The following DAAM1 variants were observed in gnomAD, a reference collection of about 807,000 sequenced individuals.
The protein encoded by DAAM1 is disheveled-associated activator of morphogenesis 1.
Under a neutral mutation model 130.0 loss-of-function variants are expected in DAAM1, and 52 were observed. The observed-to-expected ratio is 0.40, with a 90% CI of 0.32 to 0.50. The LOEUF (loss-of-function observed/expected upper bound fraction) is 0.50. DAAM1 is among the 20% of genes least tolerant of loss of function. The pLI is 0.61. For missense variants in DAAM1, 1,134 were observed against 1,303.8 expected (o/e 0.87, Z 2.01); for synonymous variants, 452 against 444.5 (o/e 1.02, Z -0.21).
Position 59,359,490 on chromosome 14 carries a change from A to G in DAAM1, c.2619A>G (p.Gln873=). 1 of 1,613,180 alleles carries G rather than the reference A, an allele frequency of 6.2e-7. No individual in the cohort carries two copies. Among genetic ancestry groups the G allele is most frequent in the Non-Finnish European group, 8.5e-7 (1 of 1,179,238 alleles). ...ATGAAGAATTGCGAGATATTCCTCA[A>G]GCTGCGAAAGTAAAGTAAGTACTTA... ...NLNEELRDIP[Q]AAKVNMTELD... The change falls in exon 21 of 25, where the codon CAA becomes CAG. Residue 873 remains glutamine (Q), a synonymous_variant. Transcript: ENST00000360909.
intron 2 of DAAM1, among the ~76,000 whole-genome samples, chr14:59,275,790 A>G: frequency 6.6e-6 from 1 of 151,246 alleles, no homozygotes. Flanking sequence ...TCTATTAGTC[A>G]GCCTTTGCTT....
intron 18 of DAAM1, 39 bp downstream of exon 18, chr14:59,352,671 C>A (rs555391311): frequency 6.5e-7 from 1 of 1,542,516 alleles, no homozygotes; most frequent in East Asian, 2.3e-5. Flanking sequence ...GATGTCACTT[C>A]CCTTTCTAAG....
intron 3 of DAAM1, among the ~76,000 whole-genome samples, chr14:59,301,161 CATT>C (rs2139582299): frequency 6.6e-6 from 1 of 152,164 alleles, no homozygotes; most frequent in East Asian, 1.9e-4. Flanking sequence ...AAGAAACTGT[CATT>C]AAAGTTTTTC....
intron 1 of DAAM1, among the ~76,000 whole-genome samples, chr14:59,226,178 C>T (rs1888938078): frequency 6.6e-6 from 1 of 152,110 alleles, no homozygotes; most frequent in South Asian, 2.1e-4. Context: ...CTGGGACTTT[C>T]AGCTTGATGG....
chr14:59,264,650 T>C (rs1418006286), intron 2 of DAAM1: 1 of 152,176 alleles, frequency 6.6e-6, no homozygotes, highest in Non-Finnish European at 1.5e-5. Context: ...TTTTTTTTTT[T>C]TCTTCAACTT....
chr14:59,363,772 C>T lies in DAAM1; in HGVS notation c.2816C>T (p.Ala939Val). Residue 939 changes from alanine (A) to valine (V), a missense_variant, in exon 23 of 25, where the codon GCT becomes GTT. By Grantham distance (64) the Ala-to-Val change is moderately conservative. This residue lies in a region of DAAM1 where 644 missense variants were observed against 695.9 expected (regional missense o/e 0.93). Coordinates refer to ENST00000360909, the MANE Select transcript of DAAM1 (RefSeq NM_001270520.2). Reference sequence around the variant, plus strand: ...GATGTTGAAGACCTTCTAGCAGAAGCTAAAGACCTGGTAAGTTTCCCCCTT... The same window carrying T: ...GATGTTGAAGACCTTCTAGCAGAAGTTAAAGACCTGGTAAGTTTCCCCCTT... ...FSDVEDLLAE[A>V]KDLFTKAVKH... 2 of 1,613,908 alleles carry T rather than the reference C, an allele frequency of 1.2e-6. No individual in the cohort carries two copies. Among genetic ancestry groups the T allele is most frequent in the Non-Finnish European group, 1.7e-6 (2 of 1,179,948 alleles).
intron 3 of DAAM1, among the ~76,000 whole-genome samples, chr14:59,292,761 C>A (rs1309570015): frequency 6.6e-6 from 1 of 152,152 alleles, no homozygotes; most frequent in African/African-American, 2.4e-5. Flanking sequence ...GATCTCTGAG[C>A]CTCTATCAGA....
intron 15 of DAAM1, among the ~76,000 whole-genome samples, chr14:59,334,476 A>G: frequency 6.6e-6 from 1 of 152,142 alleles, no homozygotes; most frequent in Admixed American, 6.5e-5. Context: ...ACCCTGTTCA[A>G]ACTCTCTGGA....
rs562169858 is a variant in DAAM1, at chr14:59,256,882, T to C, written c.-37-6559T>C. Among the ~76,000 whole-genome samples the C allele has an allele frequency of 1.8e-4, 27 of 152,338 alleles. No individual in the cohort carries two copies. In the South Asian group the frequency reaches 5.4e-3, roughly 30 times the overall value. ...TGTATTGAGGAGGTTCAGATCATGA[T>C]GGCTGAGTCAGTGAATATTTTCTTG... On this transcript the variant is annotated intron_variant, in intron 1 of 24. Coordinates refer to ENST00000360909, the MANE Select transcript of DAAM1 (RefSeq NM_001270520.2).
At chr14:59,332,050 A>T (rs1213560686) in intron 15 of DAAM1, 130 bp downstream of exon 15, 3 of 745,384 alleles carry the variant, frequency 4.0e-6, no homozygotes, top group Non-Finnish European at 6.7e-6. Flanking sequence ...TACCCTGTGC[A>T]TGTCCGTGTC....
chr14:59,301,184 C>T (rs1194981075), intron 3 of DAAM1, among the ~76,000 whole-genome samples: 1 of 151,894 alleles, frequency 6.6e-6, no homozygotes, highest in African/African-American at 2.4e-5. Context: ...CAGTTTTTTC[C>T]CATCTGTCTC....
At chr14:59,365,900 TAACA>T (rs59874246) in intron 23 of DAAM1, among the ~76,000 whole-genome samples, 10,496 of 152,226 alleles carry the variant, frequency 0.069, 393 homozygotes, top group Non-Finnish European at 0.09. Flanking sequence ...AGTATAATTT[TAACA>T]AACAATTTGA....
At chr14:59,225,770 G>C (rs1888923086) in intron 1 of DAAM1, among the ~76,000 whole-genome samples, 1 of 152,126 alleles carries the variant, frequency 6.6e-6, no homozygotes, top group Admixed American at 6.5e-5. Context: ...TTCCTTTTTT[G>C]TAAAGTATTA....
In DAAM1 at chr14:59,331,260, G is replaced by T; in HGVS notation, c.1612G>T (p.Gly538Trp). 1 of 1,612,884 alleles carries T rather than the reference G, an allele frequency of 6.2e-7. No homozygotes were observed. The highest frequency in any genetic ancestry group is 8.5e-7 in the Non-Finnish European group (1 of 1,179,974). ...TGGACCCTCGCCTGGAGCACCAGGA[G>T]GGCCCTTTCCTTCCTCTGTGCCTGG... ...PGGPSPGAPG[G>W]PFPSSVPGSL... Residue 538 changes from glycine (G) to tryptophan (W), a missense_variant, in exon 14 of 25, where the codon GGG becomes TGG. Physicochemically the swap from Gly to Trp is radical, Grantham distance 184. Coordinates refer to ENST00000360909, the MANE Select transcript of DAAM1 (RefSeq NM_001270520.2).
chr14:59,368,806 A>G lies in DAAM1; in HGVS notation c.3154A>G (p.Asn1052Asp). The change falls in exon 25 of 25, where the codon AAC (asparagine) becomes GAC (aspartate). Residue 1052 changes from asparagine (N) to aspartate (D), a missense_variant. By Grantham distance (23) the Asn-to-Asp change is conservative (BLOSUM62 1). Coordinates refer to ENST00000360909, the MANE Select transcript of DAAM1 (RefSeq NM_001270520.2). ...KLKRNRKRIT[N>D]QMTDSSRERP... is the part of the protein sequence containing the mutation. ...GAAACGGAATCGCAAACGTATTACCAACCAGATGACTGACAGCAGCAGAGA... is the reference window on the plus strand; with the variant it reads ...GAAACGGAATCGCAAACGTATTACCGACCAGATGACTGACAGCAGCAGAGA... 6.2e-7 allele frequency: 1 copy of G among 1,613,992 alleles called. No individual in the cohort carries two copies. Among genetic ancestry groups the G allele is most frequent in the Non-Finnish European group, 8.5e-7 (1 of 1,179,934 alleles).
chr14:59,221,772 T>A (rs1888780351), intron 1 of DAAM1, among the ~76,000 whole-genome samples: 1 of 152,262 alleles, frequency 6.6e-6, no homozygotes, highest in African/African-American at 2.4e-5. Context: ...GAGCCCAAAG[T>A]GGCCTGATGT....
At position 59,263,846 on chromosome 14, in the gene DAAM1, G is replaced by A. The variant is rs962371482; in HGVS notation, c.183+186G>A. 7.0e-6 allele frequency: 5 copies of A among 716,172 alleles called. No individual in the cohort carries two copies. In the East Asian group the frequency reaches 1.1e-4, roughly 16 times the overall value. The allele number at this position is 716,172 out of a possible 1,614,324, so 44.4% of individuals were successfully genotyped here. A position where few individuals can be genotyped will look rare whatever the true frequency, so the allele number is the denominator to read the frequency against. On this transcript the variant is annotated intron_variant, in intron 2 of 24. Transcript: ENST00000360909. ...GTGGAGAAGGAAGAGTTAGAAGAGG[G>A]TAGTATTACTACATCCAAGTGCTTT... is the stretch of plus-strand genomic sequence containing the variant.
intron 2 of DAAM1, among the ~76,000 whole-genome samples, chr14:59,290,288 A>G (rs1298621785): frequency 6.6e-6 from 1 of 152,142 alleles, no homozygotes; most frequent in Non-Finnish European, 1.5e-5. Context: ...GCAGTACACC[A>G]CTATAAAGTT....
chr14:59,284,749 A>T (rs746644877), intron 2 of DAAM1, among the ~76,000 whole-genome samples: 7 of 152,184 alleles, frequency 4.6e-5, no homozygotes, highest in Non-Finnish European at 8.8e-5. Flanking sequence ...CCTTTGAAGT[A>T]ACACAGGCAG....
Sources: allele counts gnomAD v4.1 joint callset (sites outside exome capture counted in the v4.1 genomes callset), GRCh38; gene constraint gnomAD v4.1.1; regional missense constraint gnomAD v4.1.1; transcripts MANE v1.5; gene names NCBI Gene and HGNC (gene_info 2026-07-23, HGNC 2026-07-21).